CNTN6: variants seen among roughly 807,000 people sequenced by gnomAD.
The protein encoded by CNTN6 is contactin-6.
CNTN6 carries 137 observed loss-of-function variants against 122.8 expected under a neutral mutation model. The ratio of observed to expected loss-of-function variants is 1.12; its 90% confidence interval spans 0.97 to 1.29. The LOEUF (loss-of-function observed/expected upper bound fraction) is 1.29. Ranked by LOEUF, CNTN6 falls within the 50% of genes most tolerant of loss-of-function variation. The probability of loss-of-function intolerance (pLI) is 0.00; values close to 1 mark genes in which losing one functional copy is unlikely to be tolerated. For synonymous variants in CNTN6, 570 were observed against 426.0 expected, an observed-to-expected ratio of 1.34 and a Z score of -4.16; for missense variants, 1,634 against 1,223.4, an observed-to-expected ratio of 1.34 and a Z score of -5.01.
intron 2 of CNTN6, among the ~76,000 whole-genome samples, chr3:1,183,879 G>A (rs901888580): frequency 3.3e-5 from 5 of 152,152 alleles, no homozygotes; most frequent in African/African-American, 1.2e-4. Flanking sequence ...GTTGTCATGC[G>A]ATGACTCGAC....
intron 4 of CNTN6, among the ~76,000 whole-genome samples, chr3:1,268,603 T>C (rs905437276): frequency 1.9e-5 from 2 of 106,880 alleles, no homozygotes; most frequent in African/African-American, 5.4e-5. Flanking sequence ...CGAGACTCCG[T>C]CTCAAAAAAA....
intron 12 of CNTN6, among the ~76,000 whole-genome samples, chr3:1,356,725 C>G (rs1172816153): frequency 6.6e-6 from 1 of 151,818 alleles, no homozygotes; most frequent in Non-Finnish European, 1.5e-5. Flanking sequence ...TTCCACACGC[C>G]ACTTTCCTAC....
intron 2 of CNTN6, among the ~76,000 whole-genome samples, chr3:1,156,341 C>T (rs2092961523): frequency 6.6e-6 from 1 of 152,162 alleles, no homozygotes. Flanking sequence ...TTTGTCATTT[C>T]CACACTCTTT....
chr3:1,319,392 A>G (rs1204649956), intron 7 of CNTN6, among the ~76,000 whole-genome samples: 1 of 151,672 alleles, frequency 6.6e-6, no homozygotes, highest in Non-Finnish European at 1.5e-5. Context: ...GTACAGATAC[A>G]TAGTACTTGG....
At chr3:1,131,680 C>T (rs1337399256) in intron 1 of CNTN6, among the ~76,000 whole-genome samples, 1 of 152,100 alleles carries the variant, frequency 6.6e-6, no homozygotes, top group African/African-American at 2.4e-5. Context: ...ATTCATCATT[C>T]TCTGGGGTGA....
intron 1 of CNTN6, among the ~76,000 whole-genome samples, chr3:1,131,707 A>C (rs1408437453): frequency 6.6e-6 from 1 of 152,084 alleles, no homozygotes; most frequent in African/African-American, 2.4e-5. Flanking sequence ...TTTTTCAGTA[A>C]ATGCTGTATC....
At chr3:1,108,670 C>G (rs1414716651) in intron 1 of CNTN6, among the ~76,000 whole-genome samples, 2 of 151,986 alleles carry the variant, frequency 1.3e-5, no homozygotes, top group Non-Finnish European at 2.9e-5. Context: ...TCTAAGGAGT[C>G]TTTGCCAGAT....
chr3:1,370,755 G>A (rs1575910460), intron 12 of CNTN6, among the ~76,000 whole-genome samples: 1 of 152,068 alleles, frequency 6.6e-6, no homozygotes, highest in East Asian at 1.9e-4. Context: ...GGCTGAGGCA[G>A]GAGAATCTCT....
chr3:1,314,320 CTT>C (rs1699801953), intron 7 of CNTN6, among the ~76,000 whole-genome samples: 1 of 152,034 alleles, frequency 6.6e-6, no homozygotes, highest in Admixed American at 6.6e-5. Flanking sequence ...GCTTCACTCT[CTT>C]TGATTAAAAC....
chr3:1,122,594 T>C (rs1218123846), intron 1 of CNTN6, among the ~76,000 whole-genome samples: 1 of 151,770 alleles, frequency 6.6e-6, no homozygotes, highest in East Asian at 1.9e-4. Flanking sequence ...AGTAAATTTC[T>C]CCCCATTTTC....
chr3:1,241,081 G>T (rs1384247258), intron 4 of CNTN6, among the ~76,000 whole-genome samples: 3 of 152,084 alleles, frequency 2.0e-5, no homozygotes, highest in Non-Finnish European at 2.9e-5. Flanking sequence ...ACATTGATCA[G>T]TTAGGATGGG....
At chr3:1,231,522 T>G (rs1001317118) in intron 4 of CNTN6, among the ~76,000 whole-genome samples, 16 of 152,218 alleles carry the variant, frequency 1.1e-4, no homozygotes, top group South Asian at 2.1e-4. Context: ...TTTGAGTTTA[T>G]TTTAGACACA....
chr3:1,094,460 A>T (rs2090414073), intron 1 of CNTN6, among the ~76,000 whole-genome samples: 1 of 152,156 alleles, frequency 6.6e-6, no homozygotes, highest in Non-Finnish European at 1.5e-5. Flanking sequence ...TCAAATATAT[A>T]AATGTGGAAA....
chr3:1,133,435 C>A (rs181165460), intron 1 of CNTN6, among the ~76,000 whole-genome samples: 2 of 152,222 alleles, frequency 1.3e-5, no homozygotes, highest in East Asian at 3.9e-4. Context: ...CTTATCCTCA[C>A]CTTAAATGTG....
chr3:1,175,654 C>A (rs2093435833), intron 2 of CNTN6, among the ~76,000 whole-genome samples: 2 of 152,132 alleles, frequency 1.3e-5, no homozygotes, highest in South Asian at 4.1e-4. Context: ...GAGAGGCAAA[C>A]AACAAAGACA....
At chr3:1,300,605 G>GAAAGAAAGAAAGAA (rs1441819441) in intron 7 of CNTN6, among the ~76,000 whole-genome samples, 1 of 117,464 alleles carries the variant, frequency 8.5e-6, no homozygotes, top group African/African-American at 6.0e-5. Flanking sequence ...AAGAAAGAAA[G>GAAAGAAAGAAAGAA]AGAGAAAGAA....
chr3:1,158,158 G>A (rs570903733), intron 2 of CNTN6, among the ~76,000 whole-genome samples: 1 of 152,268 alleles, frequency 6.6e-6, no homozygotes, highest in East Asian at 1.9e-4. Context: ...AATGGTGTAT[G>A]ATGGTTCCCT....
intron 5 of CNTN6, among the ~76,000 whole-genome samples, chr3:1,280,340 G>A (rs376982105): frequency 7.9e-5 from 12 of 151,878 alleles, no homozygotes; most frequent in South Asian, 2.1e-4. Flanking sequence ...TTGTAACAGC[G>A]CCCGTGGGGT....
intron 20 of CNTN6, among the ~76,000 whole-genome samples, chr3:1,388,372 T>C (rs1004395185): frequency 4.7e-5 from 7 of 148,688 alleles, no homozygotes; most frequent in African/African-American, 1.7e-4. Context: ...GAAGGAAAAC[T>C]AACAAACAGA....
Sources: allele counts gnomAD v4.1 joint callset (sites outside exome capture counted in the v4.1 genomes callset), GRCh38; gene constraint gnomAD v4.1.1; transcripts MANE v1.5; gene names NCBI Gene and HGNC (gene_info 2026-07-23, HGNC 2026-07-21).